The following TG variants were observed in gnomAD, a reference collection of about 807,000 sequenced individuals.
TG encodes the protein thyroglobulin.
A neutral mutation model predicts 324.7 loss-of-function variants in TG; 270 were observed. The observed-to-expected ratio is 0.83, with a 90% confidence interval of 0.75 to 0.92. TG has a LOEUF of 0.92. Ranked by LOEUF, TG falls within the 40% of genes least tolerant of loss-of-function variation. The probability of loss-of-function intolerance (pLI) is 0.00; values close to 1 mark genes in which losing one functional copy is unlikely to be tolerated. For missense variants in TG, 3,591 were observed against 3,456.4 expected (o/e 1.04, Z -0.98); for synonymous variants, 1,401 against 1,327.0 (o/e 1.06, Z -1.21).
At chr8:133,044,994 G>C in intron 41 of TG, 1 of 1,614,164 alleles carries the variant, frequency 6.2e-7, no homozygotes, top group Non-Finnish European at 8.5e-7. Context: ...CAGAATAGTG[G>C]TTCACCAGGT....
intron 41 of TG, chr8:133,087,653 G>A (rs1405404989): frequency 1.3e-5 from 2 of 152,136 alleles, no homozygotes; most frequent in African/African-American, 4.8e-5. Context: ...TTAATTCATT[G>A]GAGACAAGTT....
chr8:133,036,726 T>G (rs1837182804), intron 41 of TG: 2 of 152,626 alleles, frequency 1.3e-5, no homozygotes, highest in African/African-American at 4.8e-5. Context: ...ACTCTCCCTG[T>G]GTGCCAAGGG....
intron 22 of TG, among the ~76,000 whole-genome samples, chr8:132,928,356 G>A (rs1822193906): frequency 6.6e-6 from 1 of 152,206 alleles, no homozygotes; most frequent in African/African-American, 2.4e-5. Context: ...AAGACTGCAA[G>A]ATATTGACAC....
chr8:133,126,803 A>T (rs2979049), intron 45 of TG, among the ~76,000 whole-genome samples: 1 of 151,552 alleles, frequency 6.6e-6, no homozygotes, highest in African/African-American at 2.4e-5. Context: ...AAAAAAAAAA[A>T]CAAAAAAACA....
At chr8:132,887,651 A>C (rs1233428402) in intron 9 of TG, 103 bp downstream of exon 9, 1 of 1,497,246 alleles carries the variant, frequency 6.7e-7, no homozygotes, top group East Asian at 2.3e-5. Flanking sequence ...CAATGCTTAC[A>C]CTTCAGTTAA....
intron 5 of TG, among the ~76,000 whole-genome samples, chr8:132,876,368 C>T (rs1383603019): frequency 6.6e-6 from 1 of 152,052 alleles, no homozygotes; most frequent in Non-Finnish European, 1.5e-5. Flanking sequence ...TGGATGGATT[C>T]TTGAGGATAA....
intron 41 of TG, chr8:133,045,212 C>T: frequency 7.6e-7 from 1 of 1,321,870 alleles, no homozygotes; most frequent in Non-Finnish European, 1.1e-6. Flanking sequence ...GGAGACCTGC[C>T]CACCCTTGGG....
intron 30 of TG, 92 bp downstream of exon 30, chr8:132,966,789 C>T: frequency 1.3e-6 from 2 of 1,523,198 alleles, no homozygotes; most frequent in African/African-American, 1.4e-5. Flanking sequence ...ACAGATAAGG[C>T]CAAATTTTGT....
intron 26 of TG, among the ~76,000 whole-genome samples, chr8:132,947,657 A>G (rs1339196865): frequency 6.6e-6 from 1 of 150,678 alleles, no homozygotes; most frequent in Non-Finnish European, 1.5e-5. Context: ...TTTCCAGGAG[A>G]GTCTGAACAA....
intron 35 of TG, among the ~76,000 whole-genome samples, chr8:132,996,453 G>T (rs1371004648): frequency 6.6e-6 from 1 of 151,948 alleles, no homozygotes; most frequent in African/African-American, 2.4e-5. Context: ...GGCAGTTTAT[G>T]AAAAAAATAG....
intron 45 of TG, among the ~76,000 whole-genome samples, chr8:133,119,737 C>G (rs1469382313): frequency 6.6e-6 from 1 of 152,146 alleles, no homozygotes; most frequent in Non-Finnish European, 1.5e-5. Flanking sequence ...GTCTGAGGTT[C>G]AAGGAGTTCA....
chr8:132,931,243 C>T (rs1354399781), intron 23 of TG, among the ~76,000 whole-genome samples: 4 of 152,180 alleles, frequency 2.6e-5, no homozygotes, highest in African/African-American at 4.8e-5. Context: ...TGCCTTAGGG[C>T]CCACCCTAAT....
At chr8:133,006,083 A>G (rs558936509) in intron 35 of TG, among the ~76,000 whole-genome samples, 1 of 152,230 alleles carries the variant, frequency 6.6e-6, no homozygotes, top group Non-Finnish European at 1.5e-5. Flanking sequence ...ACAGAGAGAC[A>G]TTATGCTTAT....
chr8:133,087,614 TTAAA>T (rs1846797152), intron 41 of TG: 1 of 152,256 alleles, frequency 6.6e-6, no homozygotes, highest in Admixed American at 6.5e-5. Flanking sequence ...TAAATGTAAT[TTAAA>T]TTTTTTCTAA....
Position 132,899,726 on chromosome 8 carries a change from G to A in TG, c.3331-511G>A, listed in dbSNP as rs1212825144. 2.6e-5 allele frequency among the ~76,000 whole-genome samples: 4 copies of A among 152,312 alleles called. No individual in the cohort carries two copies. The East Asian group carries it at 7.7e-4, about 29-fold the overall frequency. ...CTTCCTGGGCACTGATGCTTACACA[G>A]AGAGAAGGAGAGGTAGAAGCCACAA... is the stretch of plus-strand genomic sequence containing the variant. On this transcript the variant is annotated intron_variant, in intron 14 of 47. Transcript: ENST00000220616.
chr8:132,997,193 T>C (rs1832964169), intron 35 of TG, among the ~76,000 whole-genome samples: 2 of 152,232 alleles, frequency 1.3e-5, no homozygotes, highest in African/African-American at 4.8e-5. Flanking sequence ...CTTAAGGTTT[T>C]GAGTTGGGCA....
chr8:133,101,198 C>T (rs1353031126), intron 43 of TG, among the ~76,000 whole-genome samples: 1 of 152,112 alleles, frequency 6.6e-6, no homozygotes, highest in African/African-American at 2.4e-5. Flanking sequence ...CTAGAGAGAT[C>T]CTCAGGATTC....
intron 45 of TG, among the ~76,000 whole-genome samples, chr8:133,118,456 C>G (rs935706782): frequency 6.6e-6 from 1 of 151,764 alleles, no homozygotes; most frequent in African/African-American, 2.4e-5. Context: ...TCCCCAGTAG[C>G]TGGAATTACA....
chr8:133,056,468 T>C (rs1219615508), intron 41 of TG, among the ~76,000 whole-genome samples: 2 of 152,172 alleles, frequency 1.3e-5, no homozygotes, highest in Non-Finnish European at 2.9e-5. Flanking sequence ...GACGAGCCCA[T>C]CCTCTTCCAG....
Sources: allele counts gnomAD v4.1 joint callset (sites outside exome capture counted in the v4.1 genomes callset), GRCh38; gene constraint gnomAD v4.1.1; transcripts MANE v1.5; gene names NCBI Gene and HGNC (gene_info 2026-07-23, HGNC 2026-07-21).